The following MYO9A variants were observed in gnomAD, a reference collection of about 807,000 sequenced individuals.
MYO9A encodes the protein myosin IXA.
MYO9A carries 103 observed loss-of-function variants against 293.3 expected under a neutral mutation model. The ratio of observed to expected loss-of-function variants is 0.35; its 90% CI spans 0.30 to 0.41. The LOEUF (loss-of-function observed/expected upper bound fraction) is 0.41. Among genes scored for constraint, MYO9A ranks in the 10% least tolerant of loss-of-function variants. The probability of loss-of-function intolerance (pLI) is 1.00; values close to 1 mark genes in which losing one functional copy is unlikely to be tolerated. For synonymous variants in MYO9A, 1,001 were observed against 1,035.7 expected (o/e 0.97, Z 0.64); for missense variants, 2,685 against 3,033.0 (o/e 0.89, Z 2.69).
At chr15:71,912,565 T>C (rs1279928066) in intron 19 of MYO9A, among the ~76,000 whole-genome samples, 1 of 152,186 alleles carries the variant, frequency 6.6e-6, no homozygotes, top group Non-Finnish European at 1.5e-5. Context: ...CAAGAAAACA[T>C]ATTTTTAAAA....
chr15:72,101,608 T>A (rs1379676833), intron 1 of MYO9A, among the ~76,000 whole-genome samples: 2 of 117,262 alleles, frequency 1.7e-5, no homozygotes, highest in Admixed American at 8.3e-5. Context: ...GGAGCCCCTC[T>A]GCCCGGCCAG....
chr15:72,094,992 C>G lies in MYO9A; in HGVS notation c.-72+22688G>C, dbSNP rs1374266292. ...CAGCTGTTCCCTGACTCTTTCTTCT[C>G]GTTGGGCCTCACTATTGCCTGAAAC... On this transcript the variant is annotated intron_variant, in intron 1 of 41. Coordinates refer to ENST00000356056, the MANE Select transcript of MYO9A (RefSeq NM_006901.4). 2.2e-5 allele frequency among the ~76,000 whole-genome samples: 2 copies of G among 91,410 alleles called. 1 individual carries two copies. The highest frequency in any genetic ancestry group is 6.6e-5 in the Non-Finnish European group (2 of 30,252). The allele number at this position is 91,410 out of a possible 152,430, so 60.0% of individuals were successfully genotyped here.
chr15:72,112,831 A>G (rs1279375507), intron 1 of MYO9A, among the ~76,000 whole-genome samples: 2 of 152,234 alleles, frequency 1.3e-5, no homozygotes, highest in Non-Finnish European at 2.9e-5. Context: ...GTGATATTCT[A>G]TATCTTGATG....
intron 8 of MYO9A, among the ~76,000 whole-genome samples, chr15:72,003,501 C>G (rs2076930762): frequency 2.0e-5 from 3 of 151,730 alleles, no homozygotes. Flanking sequence ...TCGAGACCAT[C>G]CTGGCTAACA....
intron 1 of MYO9A, among the ~76,000 whole-genome samples, chr15:72,068,737 A>G (rs1308070345): frequency 6.6e-6 from 1 of 152,104 alleles, no homozygotes; most frequent in Non-Finnish European, 1.5e-5. Context: ...TTGGCCCCAC[A>G]AAGTGCTGGG....
intron 1 of MYO9A, among the ~76,000 whole-genome samples, chr15:72,109,710 G>A (rs988616386): frequency 3.9e-5 from 6 of 151,912 alleles, no homozygotes; most frequent in African/African-American, 1.5e-4. Flanking sequence ...CCAATATGGT[G>A]AAACCCTGTC....
intron 18 of MYO9A, among the ~76,000 whole-genome samples, chr15:71,925,916 T>G (rs1212164839): frequency 6.6e-6 from 1 of 152,242 alleles, no homozygotes. Flanking sequence ...TTTATTCTTT[T>G]GCATATTTTT....
At chr15:72,042,056 T>C (rs1596455485) in intron 2 of MYO9A, among the ~76,000 whole-genome samples, 2 of 142,294 alleles carry the variant, frequency 1.4e-5, no homozygotes, top group South Asian at 2.2e-4. Flanking sequence ...CTTCCAAAAA[T>C]ACGAGGAGAA....
intron 31 of MYO9A, 92 bp from the exon 32 acceptor site, chr15:71,875,930 C>G: frequency 1.6e-6 from 1 of 630,386 alleles, no homozygotes; most frequent in Non-Finnish European, 2.4e-6. Flanking sequence ...ACTTGCTCAA[C>G]AGGTAACACA....
chr15:72,030,671 GTGCCACCACA>G (rs1433543557), intron 3 of MYO9A, among the ~76,000 whole-genome samples: 2 of 151,876 alleles, frequency 1.3e-5, no homozygotes, highest in Non-Finnish European at 2.9e-5. Context: ...CCACAGGCAC[GTGCCACCACA>G]CCTGGCTAAT....
In MYO9A at chr15:71,898,712, T is replaced by G. The variant is rs141509078; in HGVS notation, c.3791A>C (p.Gln1264Pro). The G allele has an allele frequency of 1.7e-4, 268 of 1,614,082 alleles. 1 individual carries two copies. In the East Asian group the frequency reaches 4.3e-3, roughly 26 times the overall value. Residue 1264 changes from glutamine to proline, a missense_variant, in exon 25 of 42, where the codon CAG (glutamine) becomes CCG (proline). By Grantham distance (76) the Gln-to-Pro change is moderately conservative. Transcript: ENST00000356056. ...TCTCTTAGCCCGGCCTACTTTTTTC[T>G]GATGGAGATCCTCCAAGGATCTGGG... ...ERPRSLEDLH[Q>P]KKVGRAKRES... is the part of the protein sequence containing the mutation.
At chr15:71,995,936 T>G (rs1220969156) in intron 9 of MYO9A, among the ~76,000 whole-genome samples, 2 of 152,118 alleles carry the variant, frequency 1.3e-5, no homozygotes, top group Non-Finnish European at 2.9e-5. Context: ...GACCAAAAAA[T>G]AACTGCCTAC....
intron 1 of MYO9A, among the ~76,000 whole-genome samples, chr15:72,059,516 G>C (rs1274448470): frequency 6.6e-6 from 1 of 152,084 alleles, no homozygotes; most frequent in Non-Finnish European, 1.5e-5. Context: ...GTGTAGAATG[G>C]GTGTTTGACT....
intron 15 of MYO9A, among the ~76,000 whole-genome samples, chr15:71,945,660 T>A (rs188164274): frequency 6.6e-6 from 1 of 152,290 alleles, no homozygotes; most frequent in East Asian, 1.9e-4. Flanking sequence ...ATAGGAAGTG[T>A]GATTCCTTCA....
chr15:72,099,467 T>C (rs959053971), intron 1 of MYO9A, among the ~76,000 whole-genome samples: 4 of 146,232 alleles, frequency 2.7e-5, no homozygotes, highest in Non-Finnish European at 6.0e-5. Context: ...CCAGGTCTAG[T>C]GACACACACC....
chr15:71,857,805 C>G (rs898002713), intron 34 of MYO9A, among the ~76,000 whole-genome samples: 10 of 152,170 alleles, frequency 6.6e-5, no homozygotes, highest in Non-Finnish European at 1.5e-4. Context: ...AAACTACCAT[C>G]AGAGTGAACA....
At chr15:72,078,115 G>T (rs893506256) in intron 1 of MYO9A, among the ~76,000 whole-genome samples, 3 of 152,088 alleles carry the variant, frequency 2.0e-5, no homozygotes, top group Non-Finnish European at 4.4e-5. Context: ...AGACAGTTTG[G>T]CAGTTCTTAC....
intron 12 of MYO9A, among the ~76,000 whole-genome samples, chr15:71,976,677 G>A (rs376731096): frequency 2.6e-5 from 4 of 152,316 alleles, no homozygotes; most frequent in South Asian, 4.1e-4. Flanking sequence ...CAATAATTAT[G>A]TTGGGGCATA....
At chr15:72,103,548 C>CAGTGGA (rs1008460318) in intron 1 of MYO9A, among the ~76,000 whole-genome samples, 2 of 149,280 alleles carry the variant, frequency 1.3e-5, no homozygotes, top group African/African-American at 4.9e-5. Flanking sequence ...GCAGCAGAAG[C>CAGTGGA]AGTGGAAGCA....
Sources: gnomAD v4.1 joint callset for allele counts (sites outside exome capture counted in the v4.1 genomes callset) on GRCh38, gnomAD v4.1.1 for gene constraint, MANE v1.5 for transcripts, NCBI Gene and HGNC (gene_info 2026-07-23, HGNC 2026-07-21) for gene names.